The following SPAG16 variants were observed in gnomAD, a reference collection of about 807,000 sequenced individuals.
The protein encoded by SPAG16 is sperm associated antigen 16.
In SPAG16, 86 loss-of-function variants were observed where a neutral mutation model predicts 80.4. The observed-to-expected ratio is 1.07, with a 90% CI of 0.90 to 1.28. The LOEUF (loss-of-function observed/expected upper bound fraction) is 1.28. SPAG16 is among the 50% of genes most tolerant of loss of function. The pLI is 0.00. For missense variants in SPAG16, 870 were observed against 765.3 expected, an observed-to-expected ratio of 1.14 and a Z score of -1.61; for synonymous variants, 294 against 265.9, an observed-to-expected ratio of 1.11 and a Z score of -1.03.
At chr2:213,683,887 T>A (rs1439304495) in intron 10 of SPAG16, among the ~76,000 whole-genome samples, 1 of 152,238 alleles carries the variant, frequency 6.6e-6, no homozygotes, top group Non-Finnish European at 1.5e-5. Context: ...GACTGTTAAA[T>A]ACTTCATTTT....
chr2:213,613,472 C>A (rs1404451205), intron 10 of SPAG16, among the ~76,000 whole-genome samples: 3 of 152,202 alleles, frequency 2.0e-5, no homozygotes, highest in African/African-American at 4.8e-5. Flanking sequence ...TAATTCCATT[C>A]TCAGGGCCTT....
At chr2:214,023,864 A>G (rs59445663) in intron 13 of SPAG16, among the ~76,000 whole-genome samples, 1 of 151,770 alleles carries the variant, frequency 6.6e-6, no homozygotes, top group Admixed American at 6.6e-5. Context: ...CTTTGAAAAA[A>G]TATCATATTC....
chr2:213,885,992 A>G (rs1050568441), intron 11 of SPAG16, among the ~76,000 whole-genome samples: 4 of 152,192 alleles, frequency 2.6e-5, no homozygotes, highest in African/African-American at 7.2e-5. Context: ...CTTAGCTTCA[A>G]TAAATTATAG....
intron 15 of SPAG16, among the ~76,000 whole-genome samples, chr2:214,201,396 T>C (rs929038361): frequency 6.6e-6 from 1 of 152,196 alleles, no homozygotes; most frequent in East Asian, 1.9e-4. Flanking sequence ...ACATGAGAGA[T>C]ACCTGCAAAC....
intron 10 of SPAG16, among the ~76,000 whole-genome samples, chr2:213,577,272 A>G (rs2060159597): frequency 6.6e-6 from 1 of 152,172 alleles, no homozygotes; most frequent in African/African-American, 2.4e-5. Flanking sequence ...CTTGGTCTAA[A>G]TAGCTCTGCC....
At position 213,766,836 on chromosome 2, in the gene SPAG16, A is replaced by G. The variant is rs532066796; in HGVS notation, c.1071-95649A>G. Among the ~76,000 whole-genome samples, 10 of 152,318 alleles carry G rather than the reference A, an allele frequency of 6.6e-5. No homozygotes were observed. The South Asian group carries it at 1.4e-3, about 22-fold the overall frequency. ...ATATGCAAAGAGAATAGCTAGCTAGAGAGGACTGAATTCTGGCCTGCAGCT... is the reference window on the plus strand; with the variant it reads ...ATATGCAAAGAGAATAGCTAGCTAGGGAGGACTGAATTCTGGCCTGCAGCT... On this transcript the variant is annotated intron_variant, in intron 10 of 15. Transcript: ENST00000331683.
At chr2:213,480,900 C>T (rs185994181) in intron 9 of SPAG16, among the ~76,000 whole-genome samples, 3 of 152,172 alleles carry the variant, frequency 2.0e-5, no homozygotes, top group East Asian at 1.9e-4. Flanking sequence ...AATTGAATAA[C>T]TTAGAAATAA....
Position 214,177,093 on chromosome 2 carries a change from C to A in SPAG16, c.1720+27827C>A, listed in dbSNP as rs1427458944. On this transcript the variant is annotated intron_variant, in intron 15 of 15. Transcript: ENST00000331683. ...TTATGTTTGGAATAAATCTCTTAAA[C>A]ACAATTCTCAGTATGTGAGCTTATG... Among the ~76,000 whole-genome samples, 5 of 151,086 alleles carry A rather than the reference C, an allele frequency of 3.3e-5. No individual in the cohort carries two copies. In the East Asian group the frequency reaches 9.7e-4, roughly 29 times the overall value.
intron 14 of SPAG16, among the ~76,000 whole-genome samples, chr2:214,118,378 G>A (rs939805767): frequency 6.6e-6 from 1 of 152,268 alleles, no homozygotes; most frequent in East Asian, 1.9e-4. Context: ...TGGACTGGAA[G>A]AATTAATATT....
At chr2:213,299,597 T>G (rs1215980786) in intron 3 of SPAG16, among the ~76,000 whole-genome samples, 1 of 152,122 alleles carries the variant, frequency 6.6e-6, no homozygotes, top group African/African-American at 2.4e-5. Flanking sequence ...TGATTTCCTT[T>G]AAATGTGGGT....
At chr2:213,893,417 A>G (rs1330363349) in intron 11 of SPAG16, among the ~76,000 whole-genome samples, 2 of 152,204 alleles carry the variant, frequency 1.3e-5, no homozygotes, top group African/African-American at 4.8e-5. Flanking sequence ...CCAAACCCAG[A>G]ATACTGTAAT....
At chr2:213,450,076 A>C (rs2071595064) in intron 9 of SPAG16, among the ~76,000 whole-genome samples, 1 of 152,204 alleles carries the variant, frequency 6.6e-6, no homozygotes, top group Admixed American at 6.5e-5. Context: ...AGGCCAAGGC[A>C]GGTGGATCAC....
intron 11 of SPAG16, among the ~76,000 whole-genome samples, chr2:213,910,396 A>G (rs2077612136): frequency 6.6e-6 from 1 of 152,244 alleles, no homozygotes; most frequent in Admixed American, 6.5e-5. Context: ...AAACAAAACA[A>G]AAGTCTTAAC....
At chr2:213,384,863 C>T (rs1380916854) in intron 9 of SPAG16, among the ~76,000 whole-genome samples, 1 of 152,210 alleles carries the variant, frequency 6.6e-6, no homozygotes, top group African/African-American at 2.4e-5. Flanking sequence ...GTTCTATTGA[C>T]TATCTTCCTA....
chr2:213,778,273 A>G (rs560238616), intron 10 of SPAG16, among the ~76,000 whole-genome samples: 1 of 152,298 alleles, frequency 6.6e-6, no homozygotes, highest in South Asian at 2.1e-4. Flanking sequence ...CTTAACTATA[A>G]AAGTTAAAAT....
At chr2:214,066,726 G>A (rs1296409008) in intron 13 of SPAG16, among the ~76,000 whole-genome samples, 1 of 151,584 alleles carries the variant, frequency 6.6e-6, no homozygotes, top group Non-Finnish European at 1.5e-5. Flanking sequence ...AGATAGCAAA[G>A]AAAAAAACAT....
intron 3 of SPAG16, among the ~76,000 whole-genome samples, chr2:213,301,480 A>G (rs560651020): frequency 6.6e-6 from 1 of 152,332 alleles, no homozygotes; most frequent in South Asian, 2.1e-4. Context: ...ACTTAATTTT[A>G]ATATGTGGTT....
chr2:213,715,218 A>ATCTGTCTG (rs201888270), intron 10 of SPAG16, among the ~76,000 whole-genome samples: 462 of 143,034 alleles, frequency 3.2e-3, no homozygotes, highest in Non-Finnish European at 5.4e-3. Flanking sequence ...AGGTAGATCT[A>ATCTGTCTG]TCTGTCTATC....
chr2:213,828,121 C>G (rs947820508), intron 10 of SPAG16, among the ~76,000 whole-genome samples: 2 of 152,066 alleles, frequency 1.3e-5, no homozygotes, highest in African/African-American at 4.8e-5. Context: ...CTCTCTTTCT[C>G]TCTACTACCT....
Sources: gnomAD v4.1 joint callset for allele counts (sites outside exome capture counted in the v4.1 genomes callset) on GRCh38, gnomAD v4.1.1 for gene constraint, MANE v1.5 for transcripts, NCBI Gene and HGNC (gene_info 2026-07-23, HGNC 2026-07-21) for gene names.